Variants in C9orf85 observed in about 807,000 individuals in gnomAD.
C9orf85 encodes uncharacterized protein C9orf85.
In C9orf85, 16 loss-of-function variants were observed where a neutral mutation model predicts 14.9. The ratio of observed to expected loss-of-function variants is 1.08; its 90% confidence interval spans 0.73 to 1.63. The LOEUF (loss-of-function observed/expected upper bound fraction) is 1.63, where lower values mean the gene tolerates loss of function less well. C9orf85 is among the 40% of genes most tolerant of loss of function. The probability of loss-of-function intolerance (pLI) is 0.00; values close to 1 mark genes in which losing one functional copy is unlikely to be tolerated. For synonymous variants in C9orf85, 45 were observed against 56.8 expected (o/e 0.79, Z 0.93); for missense variants, 172 against 186.1 (o/e 0.92, Z 0.44).
At chr9:71,976,534 C>T (rs6560244), downstream of C9orf85, among the ~76,000 whole-genome samples, 93,126 of 151,506 alleles carry the variant, frequency 0.61, 28,873 homozygotes, top group East Asian at 0.71. Context: ...TGGTGGCGGG[C>T]GCCTGTAGTC....
intron 3 of C9orf85, among the ~76,000 whole-genome samples, chr9:71,981,361 A>G (rs1166472517): frequency 6.6e-6 from 1 of 152,228 alleles, no homozygotes; most frequent in Admixed American, 6.5e-5. Context: ...ACATGCTTCT[A>G]GTCCGAAAAA....
chr9:71,971,328 A>G (rs554777297), intron 2 of C9orf85, among the ~76,000 whole-genome samples, 177 bp from the exon 3 acceptor site: 1 of 152,304 alleles, frequency 6.6e-6, no homozygotes, highest in East Asian at 1.9e-4. Flanking sequence ...GCAGCTGTAA[A>G]CTGTTATTTA....
Position 71,911,671 on chromosome 9 carries a change from C to A in C9orf85, c.-64C>A. On this transcript the variant is annotated 5_prime_UTR_variant, in exon 1 of 4. Transcript: ENST00000334731. ...GAAGCGTCAATTCCTGGGAGTAGTT[C>A]GTTGGTTTTCTTTCCCCTCATCCTT... is the stretch of plus-strand genomic sequence containing the variant. 2 of 1,350,040 alleles carry A rather than the reference C, an allele frequency of 1.5e-6. No homozygotes were observed. Among genetic ancestry groups the A allele is most frequent in the South Asian group, 2.3e-5 (2 of 85,632 alleles). The allele number at this position is 1,350,040 out of a possible 1,614,324, so 83.6% of individuals were successfully genotyped here.
intron 1 of C9orf85, among the ~76,000 whole-genome samples, chr9:71,924,913 G>A (rs2132261814): frequency 6.6e-6 from 1 of 152,304 alleles, no homozygotes; most frequent in African/African-American, 2.4e-5. Context: ...TGTGTGGTAA[G>A]TTGTCATCTA....
chr9:71,965,470 T>G (rs1471555951), intron 2 of C9orf85, among the ~76,000 whole-genome samples: 2 of 152,182 alleles, frequency 1.3e-5, no homozygotes, highest in East Asian at 3.9e-4. Context: ...AATCAAGGTC[T>G]CCAGTTTCCC....
downstream of C9orf85, among the ~76,000 whole-genome samples, chr9:71,976,673 A>C (rs1244925548): frequency 6.6e-6 from 1 of 151,968 alleles, no homozygotes; most frequent in Non-Finnish European, 1.5e-5. Flanking sequence ...AAAAAAAAAA[A>C]AAAATTCTTA....
Position 71,933,327 on chromosome 9 carries a change from T to C in C9orf85, c.103-13679T>C, listed in dbSNP as rs893767428. ...ATTGAGATACATTATAATCAAACTG[T>C]TGAAAACCAAAGACAAAGAATTTTG... On this transcript the variant is annotated intron_variant, in intron 1 of 3. Coordinates refer to ENST00000334731, the MANE Select transcript of C9orf85 (RefSeq NM_182505.5). Among the ~76,000 whole-genome samples, 45 of 152,154 alleles carry C rather than the reference T, an allele frequency of 3.0e-4. 1 individual carries two copies. The highest frequency in any genetic ancestry group is 7.4e-5 in the Non-Finnish European group (5 of 68,014).
intron 2 of C9orf85, among the ~76,000 whole-genome samples, chr9:71,949,591 A>C (rs1339146292): frequency 6.6e-6 from 1 of 152,134 alleles, no homozygotes; most frequent in South Asian, 2.1e-4. Context: ...CCAGATTAAG[A>C]AGAGAAAAAT....
intron 2 of C9orf85, among the ~76,000 whole-genome samples, chr9:71,947,612 T>G (rs1822134045): frequency 6.6e-6 from 1 of 152,150 alleles, no homozygotes. Context: ...ATTTTGTTTC[T>G]GATCCTGCCA....
intron 1 of C9orf85, among the ~76,000 whole-genome samples, chr9:71,932,518 A>G (rs750667726): frequency 7.2e-5 from 11 of 152,210 alleles, no homozygotes; most frequent in Non-Finnish European, 1.5e-4. Flanking sequence ...GCTCTTCTAC[A>G]GAGTCATGAC....
chr9:71,912,387 C>T (rs1027893998), intron 1 of C9orf85, among the ~76,000 whole-genome samples: 1 of 152,088 alleles, frequency 6.6e-6, no homozygotes, highest in African/African-American at 2.4e-5. Context: ...AGCAGGACTT[C>T]TGTAAAGTCC....
At chr9:71,941,716 G>T (rs1821933614) in intron 1 of C9orf85, 1 of 152,188 alleles carries the variant, frequency 6.6e-6, no homozygotes, top group Admixed American at 6.5e-5. Context: ...GGAAAAAACA[G>T]CTCTGAAAGC....
At chr9:71,949,491 A>G (rs1363356603) in intron 2 of C9orf85, among the ~76,000 whole-genome samples, 1 of 152,216 alleles carries the variant, frequency 6.6e-6, no homozygotes, top group Non-Finnish European at 1.5e-5. Context: ...AAAAAAAGAA[A>G]CTGCTAGTTA....
chr9:71,940,132 T>C (rs1048246022), intron 1 of C9orf85, among the ~76,000 whole-genome samples: 1 of 152,086 alleles, frequency 6.6e-6, no homozygotes, highest in Non-Finnish European at 1.5e-5. Flanking sequence ...ATTGGGAGAA[T>C]ATATTTGCAA....
chr9:71,956,064 A>G (rs759278398), intron 2 of C9orf85, among the ~76,000 whole-genome samples: 106 of 152,216 alleles, frequency 7.0e-4, no homozygotes, highest in Admixed American at 5.9e-4. Flanking sequence ...AAATAAATGG[A>G]TTTTTTAGTG....
intron 1 of C9orf85, among the ~76,000 whole-genome samples, chr9:71,940,045 A>G (rs1828290508): frequency 6.6e-6 from 1 of 152,094 alleles, no homozygotes; most frequent in Non-Finnish European, 1.5e-5. Flanking sequence ...AAAGAAAAAA[A>G]TTGATAAATT....
intron 1 of C9orf85, among the ~76,000 whole-genome samples, chr9:71,940,904 A>G (rs1023328295): frequency 1.3e-5 from 2 of 152,194 alleles, no homozygotes; most frequent in Non-Finnish European, 2.9e-5. Flanking sequence ...TCAAATGGCT[A>G]TATACTTAAC....
intron 2 of C9orf85, among the ~76,000 whole-genome samples, chr9:71,966,064 A>G (rs1822681887): frequency 6.6e-6 from 1 of 152,204 alleles, no homozygotes. Context: ...CAGCAGCCAT[A>G]CTTCAACCAT....
chr9:71,972,621 GTC>G, intron 3 of C9orf85, 69 bp from the exon 4 acceptor site: 1 of 1,180,872 alleles, frequency 8.5e-7, no homozygotes, highest in South Asian at 1.5e-5. Context: ...AGTGGTAAAA[GTC>G]TTTTCAATCT....
Sources: gnomAD v4.1 joint callset for allele counts (sites outside exome capture counted in the v4.1 genomes callset) on GRCh38, gnomAD v4.1.1 for gene constraint, MANE v1.5 for transcripts, NCBI Gene and HGNC (gene_info 2026-07-23, HGNC 2026-07-21) for gene names.